The following DAPK2 variants were observed in gnomAD, a reference collection of about 807,000 sequenced individuals.
DAPK2 encodes death associated protein kinase 2, also known as death-associated protein kinase 2.
DAPK2 carries 35 observed loss-of-function variants against 44.1 expected under a neutral mutation model. The observed-to-expected ratio is 0.79, with a 90% CI of 0.61 to 1.05. The LOEUF is 1.05. Ranked by LOEUF, DAPK2 falls within the 50% of genes least tolerant of loss-of-function variation. The pLI, the probability that DAPK2 is intolerant of heterozygous loss-of-function variation, is 0.00. For missense variants in DAPK2, 453 were observed against 483.2 expected (o/e 0.94, Z 0.59); for synonymous variants, 174 against 182.6 (o/e 0.95, Z 0.38).
At chr15:64,019,637 T>C (rs938515033) in intron 1 of DAPK2, among the ~76,000 whole-genome samples, 1 of 152,234 alleles carries the variant, frequency 6.6e-6, no homozygotes, top group African/African-American at 2.4e-5. Flanking sequence ...TTCTAGAGAA[T>C]GCCACAGTGA....
chr15:64,028,065 T>TCTA (rs2079905855), intron 1 of DAPK2, among the ~76,000 whole-genome samples: 1 of 152,076 alleles, frequency 6.6e-6, no homozygotes, highest in Non-Finnish European at 1.5e-5. Flanking sequence ...TATCTATCTA[T>TCTA]TTATATTTTT....
At chr15:63,962,226 T>G (rs559934057) in intron 3 of DAPK2, among the ~76,000 whole-genome samples, 1 of 152,332 alleles carries the variant, frequency 6.6e-6, no homozygotes, top group South Asian at 2.1e-4. Context: ...CACTGTTTAT[T>G]CTAGTCAGCC....
chr15:63,953,223 A>T (rs2077639154), intron 3 of DAPK2, among the ~76,000 whole-genome samples: 1 of 151,756 alleles, frequency 6.6e-6, no homozygotes, highest in Non-Finnish European at 1.5e-5. Context: ...GAGTGAGAAC[A>T]TACAATGTTT....
intron 2 of DAPK2, among the ~76,000 whole-genome samples, chr15:63,972,528 C>T (rs1005126122): frequency 6.6e-6 from 1 of 152,172 alleles, no homozygotes; most frequent in Admixed American, 6.5e-5. Flanking sequence ...ATATGAGGAA[C>T]ATGTTACTGG....
intron 2 of DAPK2, among the ~76,000 whole-genome samples, chr15:63,974,953 C>T (rs1436106500): frequency 2.0e-5 from 3 of 152,044 alleles, no homozygotes; most frequent in African/African-American, 7.3e-5. Context: ...TCACTTGTGC[C>T]CGAATTTAAA....
At chr15:63,910,594 G>A (rs926187236) in intron 10 of DAPK2, 1 of 152,262 alleles carries the variant, frequency 6.6e-6, no homozygotes, top group African/African-American at 2.4e-5. Context: ...AGGCTGCAAT[G>A]CAGTAGTGTG....
At chr15:64,002,880 G>C (rs1312854463) in intron 1 of DAPK2, among the ~76,000 whole-genome samples, 3 of 151,856 alleles carry the variant, frequency 2.0e-5, no homozygotes, top group Non-Finnish European at 2.9e-5. Flanking sequence ...GCAGCAGAGG[G>C]AGGAGGAGAG....
intron 3 of DAPK2, chr15:63,942,421 A>T (rs1278598835): frequency 6.2e-6 from 1 of 160,284 alleles, no homozygotes; most frequent in African/African-American, 2.4e-5. Flanking sequence ...GCGTGGTGGC[A>T]TGCACCTATA....
At chr15:64,039,212 A>G (rs1317466143) in intron 1 of DAPK2, among the ~76,000 whole-genome samples, 1 of 152,188 alleles carries the variant, frequency 6.6e-6, no homozygotes, top group Non-Finnish European at 1.5e-5. Context: ...CCTGTCTCAG[A>G]TTTTCTGGGT....
intron 3 of DAPK2, among the ~76,000 whole-genome samples, chr15:63,967,718 G>A (rs1029179407): frequency 6.6e-6 from 1 of 152,064 alleles, no homozygotes; most frequent in Non-Finnish European, 1.5e-5. Flanking sequence ...TCCATTTGTC[G>A]GCTCCCTGCA....
At chr15:63,936,017 C>G (rs1677685202) in intron 4 of DAPK2, 1 of 152,160 alleles carries the variant, frequency 6.6e-6, no homozygotes, top group African/African-American at 2.4e-5. Context: ...CTTGCTCATT[C>G]TTGTGAGTCT....
At chr15:63,977,194 G>A (rs897315324) in intron 2 of DAPK2, among the ~76,000 whole-genome samples, 7 of 152,236 alleles carry the variant, frequency 4.6e-5, no homozygotes, top group South Asian at 2.1e-4. Flanking sequence ...TAGCTGCAGC[G>A]CCCCTCTGCT....
upstream of DAPK2, among the ~76,000 whole-genome samples, chr15:64,042,044 A>T (rs12443082): frequency 1.3e-5 from 2 of 152,108 alleles, no homozygotes; most frequent in Admixed American, 1.3e-4. This position sits in a 1 kb window ranked among gnomAD's most constrained non-coding sequence, Gnocchi z 4.7. Flanking sequence ...GACTAGCGTG[A>T]GTGTATATTA....
At chr15:64,024,876 T>C (rs910670324) in intron 1 of DAPK2, among the ~76,000 whole-genome samples, 3 of 152,126 alleles carry the variant, frequency 2.0e-5, no homozygotes, top group African/African-American at 7.2e-5. Context: ...TCAAGCCCTG[T>C]GGCCAGGCCA....
At chr15:63,925,738 C>T (rs1273940182) in intron 7 of DAPK2, among the ~76,000 whole-genome samples, 3 of 150,046 alleles carry the variant, frequency 2.0e-5, no homozygotes, top group Admixed American at 6.7e-5. Context: ...TACATTTCAA[C>T]AGGAGAAGAA....
chr15:64,007,928 G>A (rs118051653), intron 1 of DAPK2, among the ~76,000 whole-genome samples: 4,651 of 152,296 alleles, frequency 0.031, 102 homozygotes, highest in South Asian at 0.092. Context: ...ACAAAGGACC[G>A]CATGTTGTAT....
At chr15:63,928,650 G>A (rs1229983959) in intron 6 of DAPK2, among the ~76,000 whole-genome samples, 35 of 152,024 alleles carry the variant, frequency 2.3e-4, no homozygotes, top group Admixed American at 2.3e-3. Flanking sequence ...AAGCCCAGAG[G>A]TTAAGTCCCT....
intron 1 of DAPK2, among the ~76,000 whole-genome samples, chr15:64,004,453 T>TA (rs1174940504): frequency 6.6e-6 from 1 of 152,172 alleles, no homozygotes; most frequent in Non-Finnish European, 1.5e-5. Flanking sequence ...CCTCACTTTT[T>TA]AAAAAAATCC....
In DAPK2 at chr15:64,046,284, C is replaced by T. The variant is rs1417852498; in HGVS notation, c.-7+14G>A. On this transcript the variant is annotated intron_variant, in intron 1 of 11. Transcript: ENST00000457488. This position sits in a 1 kb window ranked among gnomAD's most constrained non-coding sequence, Gnocchi z 5.3. ...CCGTCCCGCCCATCGAGCCCGCAGA[C>T]GGGTGCTACTCACGGCGGGAGGCTG... 3 of 977,928 alleles carry T rather than the reference C, an allele frequency of 3.1e-6. No homozygotes were observed. The highest frequency in any genetic ancestry group is 1.8e-5 in the African/African-American group (1 of 56,556). The allele number at this position is 977,928 out of a possible 1,614,324, so 60.6% of individuals were successfully genotyped here. A position where few individuals can be genotyped will look rare whatever the true frequency, so the allele number is the denominator to read the frequency against.
Sources: allele counts gnomAD v4.1 joint callset (sites outside exome capture counted in the v4.1 genomes callset), GRCh38; gene constraint gnomAD v4.1.1; non-coding constraint Gnocchi (gnomAD v3.1); transcripts MANE v1.5; gene names NCBI Gene and HGNC (gene_info 2026-07-23, HGNC 2026-07-21).